Variants in MCFD2 observed in about 807,000 individuals in gnomAD.
MCFD2 encodes the protein multiple coagulation factor deficiency 2, ER cargo receptor complex subunit.
A neutral mutation model predicts 12.8 loss-of-function variants in MCFD2; 11 were observed. The observed-to-expected ratio is 0.86, with a 90% CI of 0.54 to 1.42. The LOEUF (loss-of-function observed/expected upper bound fraction) is 1.42, where lower values mean the gene tolerates loss of function less well. Among genes scored for constraint, MCFD2 ranks in the 40% most tolerant of loss-of-function variants. The probability of loss-of-function intolerance (pLI) is 0.00; values close to 1 mark genes in which losing one functional copy is unlikely to be tolerated. For missense variants in MCFD2, 191 were observed against 178.6 expected (o/e 1.07, Z -0.40); for synonymous variants, 70 against 68.1 (o/e 1.03, Z -0.14).
chr2:46,916,120 G>A (rs1275073612), upstream of MCFD2: 3 of 985,488 alleles, frequency 3.0e-6, no homozygotes, highest in Admixed American at 1.8e-4. Context: ...TCCGGATGGG[G>A]CGGACCCCAA....
chr2:46,938,824 C>T (rs1018459186), intron 1 of MCFD2, among the ~76,000 whole-genome samples: 2 of 151,632 alleles, frequency 1.3e-5, no homozygotes, highest in Non-Finnish European at 2.9e-5. Flanking sequence ...CCAGCCTGGC[C>T]AACATAGTGA....
chr2:46,917,293 G>C, upstream of MCFD2: 1 of 656,344 alleles, frequency 1.5e-6, no homozygotes, highest in Non-Finnish European at 2.7e-6. Flanking sequence ...CCACCGCGCC[G>C]GGACAAAGAA....
chr2:46,929,473 G>A (rs561451026), intron 1 of MCFD2, among the ~76,000 whole-genome samples: 23 of 152,232 alleles, frequency 1.5e-4, no homozygotes, highest in East Asian at 9.7e-4. Flanking sequence ...AACAGAGCAC[G>A]ACCCTGTCTC....
Position 46,903,881 on chromosome 2 carries a change from GA to G in MCFD2, c.*1581del, listed in dbSNP as rs1668108182. On this transcript the variant is annotated 3_prime_UTR_variant, in exon 4 of 4. Transcript: ENST00000319466. ...TGGGGAGAAATTCAAGCCAGCTGCA[GA>G]AATTTGCATAAGTAGCAAGGAGCCT... 3 of 152,210 alleles carry G rather than the reference GA, an allele frequency of 2.0e-5. No individual in the cohort carries two copies. The South Asian group carries it at 6.2e-4, about 31-fold the overall frequency. 9.4% of individuals were successfully genotyped at this position (152,210 alleles called of 1,614,324 possible). A position where few individuals can be genotyped will look rare whatever the true frequency, so the allele number is the denominator to read the frequency against.
rs1333122547 is a variant in MCFD2 at position 46,941,058 on chromosome 2, G to A, written c.-8+514C>T. 1 of 148,856 alleles carries A rather than the reference G, an allele frequency of 6.7e-6. No individual in the cohort carries two copies. The highest frequency in any genetic ancestry group is 6.7e-5 in the Admixed American group (1 of 15,034). The allele number at this position is 148,856 out of a possible 1,614,324, so 9.2% of individuals were successfully genotyped here. On this transcript the variant is annotated intron_variant, in intron 1 of 2. Transcript: ENST00000409147. This position sits in a 1 kb window ranked among gnomAD's most constrained non-coding sequence, Gnocchi z 4.2. The stretch of plus-strand genomic sequence containing the variant: ...TCCGCGGCGGGGGCGGCGGCGGGGG[G>A]CGGGTACCCGGGCGGCCGCGAGCGC...
At chr2:46,926,490 C>T (rs1669389948) in intron 1 of MCFD2, among the ~76,000 whole-genome samples, 1 of 152,140 alleles carries the variant, frequency 6.6e-6, no homozygotes, top group South Asian at 2.1e-4. Flanking sequence ...GAAGACTTCC[C>T]TCTATGATAA....
chr2:46,913,947 G>T (rs1668586048), intron 1 of MCFD2: 1 of 152,432 alleles, frequency 6.6e-6, no homozygotes, highest in Admixed American at 6.5e-5. Flanking sequence ...TCCGACCTCA[G>T]TCTGTAGCCT....
At chr2:46,932,482 A>T (rs1669756382) in intron 1 of MCFD2, among the ~76,000 whole-genome samples, 1 of 152,186 alleles carries the variant, frequency 6.6e-6, no homozygotes, top group Admixed American at 6.5e-5. Context: ...GTTGATGGTT[A>T]ATAAGAGTTT....
At chr2:46,931,692 T>TAACA (rs370894593) in intron 1 of MCFD2, among the ~76,000 whole-genome samples, 1 of 148,548 alleles carries the variant, frequency 6.7e-6, no homozygotes, top group African/African-American at 2.5e-5. Context: ...AAACAGACAA[T>TAACA]AATAAATAAA....
chr2:46,941,433 C>T lies in MCFD2; in HGVS notation c.-8+139G>A, dbSNP rs900932379. The T allele has an allele frequency of 8.3e-6, 10 of 1,206,148 alleles. No individual in the cohort carries two copies. Among genetic ancestry groups the T allele is most frequent in the South Asian group, 2.8e-5 (1 of 35,106 alleles). 74.7% of individuals were successfully genotyped at this position (1,206,148 alleles called of 1,614,324 possible). On this transcript the variant is annotated intron_variant, in intron 1 of 2. Transcript: ENST00000409147. The surrounding 1 kb of genome is among the most constrained non-coding windows in gnomAD (Gnocchi z 4.2). ...CCGCTGCCGCCCGGGCCCCGGCTGC[C>T]GTCTGCGCCCCCGTCGACCCCGCCC...
rs376318903 is a variant in MCFD2 at position 46,905,436 on chromosome 2, T to C, written c.*27A>G. On this transcript the variant is annotated 3_prime_UTR_variant, in exon 4 of 4. Coordinates refer to ENST00000319466, the MANE Select transcript of MCFD2 (RefSeq NM_139279.6). ...CACATTATCACGGGTCACATTTGTA[T>C]ATAACCAGGAGATGGCCAAATAACA... 1.3e-4 allele frequency: 215 copies of C among 1,611,642 alleles called. 3 individuals carry two copies. In the African/African-American group the frequency reaches 2.5e-3, roughly 19 times the overall value.
chr2:46,939,691 G>C (rs1670171787), intron 1 of MCFD2, among the ~76,000 whole-genome samples: 1 of 152,194 alleles, frequency 6.6e-6, no homozygotes, highest in Admixed American at 6.5e-5. Flanking sequence ...CCCCAGGGCT[G>C]ACTCCCAGGA....
chr2:46,914,668 A>T (rs1668628999), intron 1 of MCFD2, among the ~76,000 whole-genome samples: 1 of 152,232 alleles, frequency 6.6e-6, no homozygotes, highest in African/African-American at 2.4e-5. Context: ...CACAGATTAC[A>T]ACCTGGTAGA....
intron 1 of MCFD2, among the ~76,000 whole-genome samples, chr2:46,931,599 C>T (rs1345735699): frequency 6.6e-6 from 1 of 151,994 alleles, no homozygotes; most frequent in Non-Finnish European, 1.5e-5. Flanking sequence ...GGGTCACCAG[C>T]CAAGGAATGC....
At chr2:46,918,683 CTG>C (rs1558470678), upstream of MCFD2, among the ~76,000 whole-genome samples, 1 of 152,234 alleles carries the variant, frequency 6.6e-6, no homozygotes, top group African/African-American at 2.4e-5. Flanking sequence ...CGTAGTGAAA[CTG>C]TCACTTGCTG....
intron 3 of MCFD2, among the ~76,000 whole-genome samples, chr2:46,906,224 T>A (rs571654889): frequency 3.5e-4 from 54 of 152,292 alleles, no homozygotes; most frequent in African/African-American, 1.2e-3. Context: ...CCAGGACTGC[T>A]GACCCCTAAT....
At chr2:46,924,886 C>G (rs1310509007) in intron 1 of MCFD2, among the ~76,000 whole-genome samples, 2 of 152,236 alleles carry the variant, frequency 1.3e-5, no homozygotes, top group African/African-American at 4.8e-5. Flanking sequence ...CTTGGCCTTC[C>G]AGAGTCCTAG....
upstream of MCFD2, chr2:46,915,806 GCCCCGCCCCC>G: frequency 5.9e-6 from 3 of 512,576 alleles, no homozygotes; most frequent in Non-Finnish European, 6.4e-6. Flanking sequence ...CCTCGGCTTC[GCCCCGCCCCC>G]CCCCCCCCCC....
At chr2:46,930,775 C>G (rs1227830333) in intron 1 of MCFD2, among the ~76,000 whole-genome samples, 3 of 152,174 alleles carry the variant, frequency 2.0e-5, no homozygotes, top group Non-Finnish European at 4.4e-5. Context: ...GCAGGGATTA[C>G]AGGCGTGAGC....
Sources: allele counts gnomAD v4.1 joint callset (sites outside exome capture counted in the v4.1 genomes callset), GRCh38; gene constraint gnomAD v4.1.1; non-coding constraint Gnocchi (gnomAD v3.1); transcripts MANE v1.5; gene names NCBI Gene and HGNC (gene_info 2026-07-23, HGNC 2026-07-21).